The following PDE8A variants were observed in gnomAD, a reference collection of about 807,000 sequenced individuals.
The protein encoded by PDE8A is phosphodiesterase 8A.
Under a neutral mutation model 105.0 loss-of-function variants are expected in PDE8A, and 59 were observed. The observed-to-expected ratio is 0.56, with a 90% CI of 0.46 to 0.70. The LOEUF is 0.70. Ranked by LOEUF, PDE8A falls within the 30% of genes least tolerant of loss-of-function variation. The pLI, the probability that PDE8A is intolerant of heterozygous loss-of-function variation, is 0.00. For synonymous variants in PDE8A, 355 were observed against 371.9 expected (o/e 0.95, Z 0.52); for missense variants, 1,014 against 1,045.9 (o/e 0.97, Z 0.42).
chr15:85,027,369 A>G (rs2080535077), intron 1 of PDE8A, among the ~76,000 whole-genome samples: 1 of 151,788 alleles, frequency 6.6e-6, no homozygotes, highest in African/African-American at 2.4e-5. Context: ...TCATAATAAT[A>G]AAGAGACAGC....
chr15:85,082,445 G>T (rs1291248544), intron 5 of PDE8A, among the ~76,000 whole-genome samples: 2 of 152,120 alleles, frequency 1.3e-5, no homozygotes, highest in Admixed American at 1.3e-4. Flanking sequence ...TTGCTTTACA[G>T]TTGAGGAAAC....
At chr15:85,107,383 G>A (rs2081962174) in intron 11 of PDE8A, among the ~76,000 whole-genome samples, 1 of 152,204 alleles carries the variant, frequency 6.6e-6, no homozygotes, top group African/African-American at 2.4e-5. Context: ...TTGATTGAGA[G>A]ATCTGGTTGG....
chr15:84,996,839 A>AAAAAC (rs1363537270), intron 1 of PDE8A, among the ~76,000 whole-genome samples: 4 of 149,442 alleles, frequency 2.7e-5, no homozygotes, highest in Non-Finnish European at 6.0e-5. Flanking sequence ...AAAAAAAAAA[A>AAAAAC]AAAAAAAAAA....
At chr15:85,112,994 CAA>C (rs913472707) in intron 12 of PDE8A, among the ~76,000 whole-genome samples, 46 of 152,258 alleles carry the variant, frequency 3.0e-4, no homozygotes, top group African/African-American at 1.1e-3. Context: ...ATATATGAAA[CAA>C]AGAGCATTGT....
chr15:85,116,619 G>A (rs1319219516), intron 16 of PDE8A, among the ~76,000 whole-genome samples: 1 of 152,172 alleles, frequency 6.6e-6, no homozygotes, highest in Non-Finnish European at 1.5e-5. Context: ...TTCCCTTGCG[G>A]GAGAAGAGCT....
At chr15:85,074,166 C>T (rs1031749834) in intron 3 of PDE8A, among the ~76,000 whole-genome samples, 1 of 152,222 alleles carries the variant, frequency 6.6e-6, no homozygotes, top group African/African-American at 2.4e-5. Flanking sequence ...CTGGCCTATT[C>T]TGCATGTGTT....
chr15:85,038,535 A>G (rs2080747792), intron 1 of PDE8A, among the ~76,000 whole-genome samples: 1 of 152,228 alleles, frequency 6.6e-6, no homozygotes, highest in Non-Finnish European at 1.5e-5. Flanking sequence ...GGCAAAGGAA[A>G]CAATTAGCAG....
Position 85,108,309 on chromosome 15 carries a change from T to C in PDE8A, c.1037-744T>C, listed in dbSNP as rs867014811. Among the ~76,000 whole-genome samples, 119 of 152,204 alleles carry C rather than the reference T, an allele frequency of 7.8e-4. 2 individuals carry two copies. Among genetic ancestry groups the C allele is most frequent in the African/African-American group, 2.8e-3 (116 of 41,452 alleles). ...AAGACAAGGCAGAGAAGCTACTCCA[T>C]GGCTGTGGGAAGAGCTGAGCTCAGC... On this transcript the variant is annotated intron_variant, in intron 11 of 21. Transcript: ENST00000394553.
At chr15:84,991,111 C>G (rs146927407) in intron 1 of PDE8A, among the ~76,000 whole-genome samples, 7 of 152,144 alleles carry the variant, frequency 4.6e-5, no homozygotes, top group African/African-American at 1.7e-4. Flanking sequence ...TAGGGAAGGA[C>G]TGATTAAGCA....
At chr15:85,114,141 G>A (rs1363646328) in intron 14 of PDE8A, 104 bp downstream of exon 14, 1 of 980,280 alleles carries the variant, frequency 1.0e-6, no homozygotes, top group Non-Finnish European at 1.5e-6. Context: ...GCAGGGCTCT[G>A]TAGGGTTCAG....
intron 1 of PDE8A, among the ~76,000 whole-genome samples, chr15:84,994,653 TC>T (rs1350541178): frequency 6.6e-6 from 1 of 152,212 alleles, no homozygotes; most frequent in East Asian, 1.9e-4. Context: ...TACTCCTTTT[TC>T]TTTGATATAT....
intron 1 of PDE8A, among the ~76,000 whole-genome samples, chr15:84,999,354 C>T (rs952220962): frequency 6.6e-6 from 1 of 152,106 alleles, no homozygotes; most frequent in Non-Finnish European, 1.5e-5. Flanking sequence ...AACTCCTGAC[C>T]TCAGGTGATC....
intron 1 of PDE8A, among the ~76,000 whole-genome samples, chr15:84,989,192 T>C (rs2079848872): frequency 6.6e-6 from 1 of 152,214 alleles, no homozygotes; most frequent in South Asian, 2.1e-4. Context: ...CAAGTTTATA[T>C]TGCATGTCTT....
chr15:84,994,347 G>A (rs538745152), intron 1 of PDE8A, among the ~76,000 whole-genome samples: 2 of 152,300 alleles, frequency 1.3e-5, no homozygotes, highest in East Asian at 3.9e-4. Context: ...AGTTATAAAT[G>A]TAATCAGCCA....
At chr15:85,045,138 T>A (rs922529225) in intron 1 of PDE8A, among the ~76,000 whole-genome samples, 1 of 152,188 alleles carries the variant, frequency 6.6e-6, no homozygotes, top group Non-Finnish European at 1.5e-5. Flanking sequence ...AGATCTCACC[T>A]CCTGCATTGC....
At chr15:85,077,462 A>G (rs765216217) in intron 5 of PDE8A, among the ~76,000 whole-genome samples, 37 of 152,236 alleles carry the variant, frequency 2.4e-4, no homozygotes, top group Non-Finnish European at 5.0e-4. Context: ...TCAAGCCATG[A>G]ATTTAGTTTC....
At chr15:85,083,219 G>T (rs1342395182) in intron 5 of PDE8A, among the ~76,000 whole-genome samples, 1 of 152,118 alleles carries the variant, frequency 6.6e-6, no homozygotes, top group Non-Finnish European at 1.5e-5. Flanking sequence ...TTTAGTTAAT[G>T]AATTTCCTCC....
chr15:84,988,561 TTCTC>T lies in PDE8A; in HGVS notation c.186+6214_186+6217del, dbSNP rs369605406. ...CTTGGGAGTTTTTTTCCTTTCCCCT[TTCTC>T]CTGCTCAGGTTTCAGGCAGCCTGCC... On this transcript the variant is annotated intron_variant, in intron 1 of 21. Transcript: ENST00000394553. 3.4e-3 allele frequency among the ~76,000 whole-genome samples: 513 copies of T among 152,308 alleles called. 2 individuals carry two copies. Among genetic ancestry groups the T allele is most frequent in the African/African-American group, 0.012 (498 of 41,556 alleles).
At chr15:85,133,195 A>C (rs1421728147) in intron 20 of PDE8A, among the ~76,000 whole-genome samples, 2 of 152,090 alleles carry the variant, frequency 1.3e-5, no homozygotes, top group Non-Finnish European at 2.9e-5. Flanking sequence ...AATTTCCTGA[A>C]GTGTCTTGTC....
Sources: gnomAD v4.1 joint callset for allele counts (sites outside exome capture counted in the v4.1 genomes callset) on GRCh38, gnomAD v4.1.1 for gene constraint, MANE v1.5 for transcripts, NCBI Gene and HGNC (gene_info 2026-07-23, HGNC 2026-07-21) for gene names.